PTPRD: variants seen among roughly 807,000 people sequenced by gnomAD.
The protein encoded by PTPRD is receptor-type tyrosine-protein phosphatase delta.
Under a neutral mutation model 214.5 loss-of-function variants are expected in PTPRD, and 34 were observed. The ratio of observed to expected loss-of-function variants is 0.16; its 90% CI spans 0.12 to 0.21. The LOEUF (loss-of-function observed/expected upper bound fraction) is 0.21, where lower values mean the gene tolerates loss of function less well. Among genes scored for constraint, PTPRD ranks in the 10% least tolerant of loss-of-function variants. The pLI is 1.00. For synonymous variants in PTPRD, 1,128 were observed against 845.7 expected (o/e 1.33, Z -5.79); for missense variants, 2,545 against 2,398.7 (o/e 1.06, Z -1.27).
intron 2 of PTPRD, among the ~76,000 whole-genome samples, chr9:10,396,529 C>T (rs2098173712): frequency 6.6e-6 from 1 of 151,950 alleles, no homozygotes; most frequent in Non-Finnish European, 1.5e-5. Flanking sequence ...TCTTTCAAAA[C>T]TAGCTTTAAT....
rs530251554 is a variant in PTPRD, at chr9:8,495,034, T to TC, written c.2350-2056dup. Among the ~76,000 whole-genome samples, 625 of 151,888 alleles carry TC rather than the reference T, an allele frequency of 4.1e-3. 7 individuals are homozygous for TC. Among genetic ancestry groups the TC allele is most frequent in the African/African-American group, 0.015 (615 of 41,218 alleles). The stretch of plus-strand genomic sequence containing the variant: ...AGTCACTGGTCTACTGTTTCTCTAA[T>TC]CTTAAAAAAGAAACTGCATTCATTT... On this transcript the variant is annotated intron_variant, in intron 26 of 45. Coordinates refer to ENST00000381196, the MANE Select transcript of PTPRD (RefSeq NM_002839.4).
intron 9 of PTPRD, among the ~76,000 whole-genome samples, chr9:9,266,527 C>A (rs1393640066): frequency 6.7e-6 from 1 of 150,186 alleles, no homozygotes; most frequent in East Asian, 2.0e-4. Flanking sequence ...AAAATTTAAG[C>A]AAACTGAAAT....
chr9:9,617,554 T>A (rs2094952415), intron 7 of PTPRD, among the ~76,000 whole-genome samples: 1 of 151,956 alleles, frequency 6.6e-6, no homozygotes, highest in African/African-American at 2.4e-5. Context: ...GGTATTTCGT[T>A]GAATGAAAAA....
chr9:8,490,678 C>A (rs1444856903), intron 27 of PTPRD, among the ~76,000 whole-genome samples: 1 of 152,138 alleles, frequency 6.6e-6, no homozygotes, highest in East Asian at 1.9e-4. Context: ...ACAAATATTT[C>A]ATAAGCATTG....
At chr9:8,565,185 A>G (rs1347196622) in intron 14 of PTPRD, among the ~76,000 whole-genome samples, 2 of 152,108 alleles carry the variant, frequency 1.3e-5, no homozygotes, top group East Asian at 3.9e-4. Flanking sequence ...GGTCACAGGA[A>G]CAGGGAGGAA....
intron 11 of PTPRD, among the ~76,000 whole-genome samples, chr9:8,839,424 A>C (rs2097512991): frequency 1.3e-5 from 2 of 152,098 alleles, no homozygotes; most frequent in South Asian, 4.1e-4. Context: ...CTCCAGGTTC[A>C]AGCAATTCTC....
chr9:8,426,507 A>G (rs1416213485), intron 35 of PTPRD, among the ~76,000 whole-genome samples: 2 of 152,198 alleles, frequency 1.3e-5, no homozygotes, highest in African/African-American at 4.8e-5. Flanking sequence ...TTGCTTTGGA[A>G]GCAGAGACAG....
chr9:9,763,607 T>A (rs1472755369), intron 6 of PTPRD, among the ~76,000 whole-genome samples: 1 of 152,146 alleles, frequency 6.6e-6, no homozygotes, highest in East Asian at 1.9e-4. Flanking sequence ...CATTCATAAA[T>A]CTTAGCTCTG....
At chr9:9,263,701 T>C (rs1234209304) in intron 9 of PTPRD, among the ~76,000 whole-genome samples, 3 of 151,630 alleles carry the variant, frequency 2.0e-5, no homozygotes. Flanking sequence ...TATTAAATAA[T>C]ATGAAAAACA....
intron 14 of PTPRD, among the ~76,000 whole-genome samples, chr9:8,583,575 C>A (rs1296189559): frequency 3.3e-5 from 5 of 152,064 alleles, no homozygotes; most frequent in African/African-American, 9.7e-5. Context: ...ATTATGATAC[C>A]AATTTATGTA....
At chr9:10,593,756 G>GA (rs2076034776) in intron 2 of PTPRD, among the ~76,000 whole-genome samples, 1 of 151,778 alleles carries the variant, frequency 6.6e-6, no homozygotes, top group African/African-American at 2.4e-5. Context: ...AAAATGAAGG[G>GA]AAAATCTTGA....
chr9:9,249,130 G>A (rs1247437817), intron 9 of PTPRD, among the ~76,000 whole-genome samples: 1 of 152,094 alleles, frequency 6.6e-6, no homozygotes, highest in East Asian at 1.9e-4. Context: ...CTATGGTTAA[G>A]AGTGAGTTCT....
chr9:10,043,923 T>C (rs1346941320), intron 3 of PTPRD, among the ~76,000 whole-genome samples: 1 of 151,876 alleles, frequency 6.6e-6, no homozygotes, highest in Non-Finnish European at 1.5e-5. Context: ...TTGTGATTTA[T>C]ATTAACTCTT....
intron 5 of PTPRD, among the ~76,000 whole-genome samples, chr9:9,814,291 A>T (rs1446639213): frequency 2.9e-5 from 4 of 135,678 alleles, no homozygotes; most frequent in Non-Finnish European, 4.6e-5. Context: ...TCCTAACCTG[A>T]GCAATTAGGT....
At chr9:9,298,648 A>G (rs1224711092) in intron 9 of PTPRD, among the ~76,000 whole-genome samples, 5 of 151,804 alleles carry the variant, frequency 3.3e-5, no homozygotes, top group African/African-American at 1.2e-4. Flanking sequence ...AAGCTGAAGC[A>G]GGAGGGAAAA....
chr9:9,930,170 C>T (rs76944054), intron 5 of PTPRD, among the ~76,000 whole-genome samples: 132 of 152,214 alleles, frequency 8.7e-4, no homozygotes, highest in Non-Finnish European at 1.7e-3. Flanking sequence ...AAGGAAAAAC[C>T]AGACATCAGC....
chr9:9,386,864 G>T (rs1376671941), intron 9 of PTPRD, among the ~76,000 whole-genome samples: 15 of 152,066 alleles, frequency 9.9e-5, no homozygotes, highest in Non-Finnish European at 1.8e-4. Context: ...GGAACTGAAG[G>T]TCCATCTCAG....
At position 10,316,132 on chromosome 9, in the gene PTPRD, T is replaced by C. The variant is rs1031295550; in HGVS notation, c.-545+24831A>G. Among the ~76,000 whole-genome samples the C allele has an allele frequency of 4.7e-5, 7 of 147,808 alleles. No homozygotes were observed. In the South Asian group the frequency reaches 8.5e-4, roughly 18 times the overall value. On this transcript the variant is annotated intron_variant, in intron 3 of 45. Transcript: ENST00000381196. Reference sequence around the variant, plus strand: ...ATGTGTCTATATATATATATATACATATATACACATACATATGTATATATG... The same window carrying C: ...ATGTGTCTATATATATATATATACACATATACACATACATATGTATATATG...
chr9:10,532,769 TAAGG>T (rs1035192717), intron 2 of PTPRD, among the ~76,000 whole-genome samples: 21 of 151,930 alleles, frequency 1.4e-4, no homozygotes, highest in Non-Finnish European at 2.6e-4. Flanking sequence ...GCTTTGTGTG[TAAGG>T]ACTCTTAGAA....
Sources: allele counts gnomAD v4.1 joint callset (sites outside exome capture counted in the v4.1 genomes callset), GRCh38; gene constraint gnomAD v4.1.1; transcripts MANE v1.5; gene names NCBI Gene and HGNC (gene_info 2026-07-23, HGNC 2026-07-21).